DNAH14: variants seen among roughly 807,000 people sequenced by gnomAD.
DNAH14 encodes axonemal beta dynein heavy chain 14.
DNAH14 carries 478 observed loss-of-function variants against 520.9 expected under a neutral mutation model. That is an observed-to-expected ratio of 0.92 (90% CI 0.85 to 0.99). The LOEUF (loss-of-function observed/expected upper bound fraction) is 0.99. DNAH14 is among the 50% of genes least tolerant of loss of function. DNAH14 has a pLI of 0.00. For synonymous variants in DNAH14, 1,581 were observed against 1,757.2 expected (o/e 0.90, Z 2.51); for missense variants, 4,831 against 5,234.5 (o/e 0.92, Z 2.38).
intron 3 of DNAH14, among the ~76,000 whole-genome samples, chr1:224,955,815 G>T (rs2125523971): frequency 6.6e-6 from 1 of 152,106 alleles, no homozygotes; most frequent in Non-Finnish European, 1.5e-5. Context: ...CATGCCACAT[G>T]CTTAAACAAC....
In DNAH14 at chr1:225,145,360, T is replaced by C. The variant is rs1385674449; in HGVS notation, c.4775T>C (p.Phe1592Ser). Residue 1592 changes from phenylalanine to serine, a missense_variant, in exon 30 of 86, where the codon TTT becomes TCT. Transcript: ENST00000682510. The part of the protein sequence containing the change: ...LGKHCVVFNC[F>S]EDLDYKIVRK... ...AAACATTGTGTGGTCTTCAACTGTT[T>C]TGAGGATTTGGATTATAAGGTAAAC... 6.5e-7 allele frequency: 1 copy of C among 1,547,284 alleles called. No homozygotes were observed. Among genetic ancestry groups the C allele is most frequent in the South Asian group, 1.2e-5 (1 of 82,750 alleles).
chr1:225,269,010 T>G (rs1056837522), intron 49 of DNAH14, among the ~76,000 whole-genome samples: 1 of 152,120 alleles, frequency 6.6e-6, no homozygotes, highest in East Asian at 1.9e-4. Context: ...AAAAAGAGCC[T>G]GCATTGCCAA....
intron 37 of DNAH14, among the ~76,000 whole-genome samples, chr1:225,191,370 T>C (rs2149347587): frequency 6.6e-6 from 1 of 152,174 alleles, no homozygotes; most frequent in Middle Eastern, 3.4e-3. Context: ...GTTTTGGTTT[T>C]TAGTTTGTTT....
intron 15 of DNAH14, among the ~76,000 whole-genome samples, chr1:225,045,322 C>T (rs2067857763): frequency 6.6e-6 from 1 of 151,430 alleles, no homozygotes; most frequent in Admixed American, 6.6e-5. Context: ...AAGTTGGAAG[C>T]GTAGTACAGA....
intron 1 of DNAH14, among the ~76,000 whole-genome samples, chr1:224,945,372 G>A (rs1425539268): frequency 6.6e-6 from 1 of 152,008 alleles, no homozygotes. Flanking sequence ...CTCTGCATTG[G>A]TTATTCTAGT....
chr1:225,353,693 GAAAA>G, intron 72 of DNAH14, 106 bp from the exon 73 acceptor site: 3 of 523,118 alleles, frequency 5.7e-6, no homozygotes, highest in South Asian at 4.8e-5. Context: ...GCCATGTTTA[GAAAA>G]AAAAAAAAGT....
chr1:225,242,597 T>G (rs940202874), intron 43 of DNAH14, among the ~76,000 whole-genome samples: 1 of 152,188 alleles, frequency 6.6e-6, no homozygotes, highest in Non-Finnish European at 1.5e-5. Context: ...TGCCTTCTTC[T>G]GGAATACCAC....
intron 73 of DNAH14, 89 bp from the exon 74 acceptor site, chr1:225,358,407 T>A: frequency 8.6e-7 from 1 of 1,161,580 alleles, no homozygotes; most frequent in Admixed American, 3.1e-5. Flanking sequence ...AAAAAATGAA[T>A]ACTTCTTATT....
At chr1:225,132,213 T>C (rs1021491181) in intron 27 of DNAH14, among the ~76,000 whole-genome samples, 2 of 152,076 alleles carry the variant, frequency 1.3e-5, no homozygotes, top group African/African-American at 4.8e-5. Context: ...TCATCAACTT[T>C]TATTTTAAGT....
chr1:225,161,361 A>G (rs1009173090), intron 35 of DNAH14, among the ~76,000 whole-genome samples: 11 of 152,130 alleles, frequency 7.2e-5, no homozygotes, highest in African/African-American at 2.7e-4. Flanking sequence ...ATTGTTTTGT[A>G]TGGGTGAATA....
chr1:225,252,261 G>T (rs2092582379), intron 43 of DNAH14, 40 bp from the exon 44 acceptor site: 2 of 1,081,480 alleles, frequency 1.8e-6, no homozygotes, highest in South Asian at 1.4e-5. Context: ...TTCCATAACT[G>T]AACCCCTTTC....
At chr1:225,343,307 T>C (rs1404080165) in intron 69 of DNAH14, among the ~76,000 whole-genome samples, 1 of 152,206 alleles carries the variant, frequency 6.6e-6, no homozygotes, top group Admixed American at 6.5e-5. Context: ...AACTTACGTT[T>C]TTATGGCATA....
At chr1:224,931,440 G>A (rs192607133) in intron 1 of DNAH14, among the ~76,000 whole-genome samples, 2 of 152,136 alleles carry the variant, frequency 1.3e-5, no homozygotes, top group African/African-American at 2.4e-5. Flanking sequence ...ACCAAATTAC[G>A]GTACTTAGGT....
rs1231668159 is a variant in DNAH14, at chr1:225,296,988, G to A, written c.8470-3881G>A. The stretch of plus-strand genomic sequence containing the variant: ...TTTTTTGGGGTTGAATCTACTTGGG[G>A]ACATTGGAGCTTCCTGGATCTGTAT... On this transcript the variant is annotated intron_variant, in intron 55 of 85. Transcript: ENST00000682510. Among the ~76,000 whole-genome samples, 4 of 152,232 alleles carry A rather than the reference G, an allele frequency of 2.6e-5. No homozygotes were observed. In the East Asian group the frequency reaches 7.7e-4, roughly 29 times the overall value.
intron 8 of DNAH14, among the ~76,000 whole-genome samples, chr1:224,983,353 G>T (rs1295487431): frequency 2.6e-5 from 4 of 151,918 alleles, no homozygotes; most frequent in Admixed American, 6.6e-5. Context: ...TACATGTTAG[G>T]TGAGGTTATG....
chr1:224,939,601 G>A (rs2245097), intron 1 of DNAH14, among the ~76,000 whole-genome samples: 14,484 of 151,960 alleles, frequency 0.095, 2,215 homozygotes, highest in African/African-American at 0.33. Flanking sequence ...GGAGAATGGC[G>A]TGAACCCGGG....
chr1:224,958,443 A>G (rs1047769992), intron 3 of DNAH14, among the ~76,000 whole-genome samples: 1 of 152,098 alleles, frequency 6.6e-6, no homozygotes, highest in African/African-American at 2.4e-5. Context: ...GCGTTTTGCC[A>G]TACAGGTGAG....
At chr1:225,061,530 C>T (rs2070108550) in intron 17 of DNAH14, among the ~76,000 whole-genome samples, 1 of 152,274 alleles carries the variant, frequency 6.6e-6, no homozygotes, top group South Asian at 2.1e-4. Context: ...CCTGCACCCA[C>T]TGCTGACACT....
chr1:224,999,490 C>G (rs1351420138), intron 8 of DNAH14, among the ~76,000 whole-genome samples: 1 of 152,142 alleles, frequency 6.6e-6, no homozygotes, highest in Non-Finnish European at 1.5e-5. Context: ...CAGGTGTGAG[C>G]CACTGTTGCC....
Sources: allele counts gnomAD v4.1 joint callset (sites outside exome capture counted in the v4.1 genomes callset), GRCh38; gene constraint gnomAD v4.1.1; transcripts MANE v1.5; gene names NCBI Gene and HGNC (gene_info 2026-07-23, HGNC 2026-07-21).